The following DDX43 variants were observed in gnomAD, a reference collection of about 807,000 sequenced individuals.
DDX43 encodes probable ATP-dependent RNA helicase DDX43.
A neutral mutation model predicts 84.9 loss-of-function variants in DDX43; 50 were observed. The ratio of observed to expected loss-of-function variants is 0.59; its 90% CI spans 0.47 to 0.75. The LOEUF is 0.75. Among genes scored for constraint, DDX43 ranks in the 30% least tolerant of loss-of-function variants. DDX43 has a pLI of 0.00. For missense variants in DDX43, 689 were observed against 798.6 expected (o/e 0.86, Z 1.65); for synonymous variants, 291 against 266.3 (o/e 1.09, Z -0.90).
rs1331305658 is a variant in DDX43 at position 73,400,262 on chromosome 6, TC to T, written c.336del (p.Ile114PhefsTer14). ...ATACAAGAACAACCAGAATCATTAG[TC>T]AAAATTTTTGGCAGCAAGGCAATGC... The part of the protein sequence containing the change: ...QIIQEQPESL[V>X]KIFGSKAMQT... On this transcript the variant is annotated frameshift_variant, in exon 3 of 17. Coordinates refer to ENST00000370336, the MANE Select transcript of DDX43 (RefSeq NM_018665.3). LOFTEE classifies it high-confidence loss of function. 6.2e-7 allele frequency: 1 copy of T among 1,605,854 alleles called. No homozygotes were observed. Among genetic ancestry groups the T allele is most frequent in the Non-Finnish European group, 8.5e-7 (1 of 1,177,094 alleles).
chr6:73,406,767 A>G (rs1265738205), intron 7 of DDX43, among the ~76,000 whole-genome samples: 1 of 152,214 alleles, frequency 6.6e-6, no homozygotes, highest in Admixed American at 6.5e-5. Context: ...AATATTTGAC[A>G]TTTTAGATGT....
intron 9 of DDX43, 29 bp from the exon 10 acceptor site, chr6:73,409,219 T>C (rs1226297380): frequency 1.3e-6 from 2 of 1,565,448 alleles, no homozygotes; most frequent in South Asian, 2.2e-5. Context: ...CCATATCTAA[T>C]CTAACCACAT....
chr6:73,413,017 C>T (rs117055921), intron 11 of DDX43, among the ~76,000 whole-genome samples: 3,098 of 152,238 alleles, frequency 0.02, 47 homozygotes, highest in East Asian at 0.063. Flanking sequence ...CGTGAGCCAC[C>T]GCACCCAGCA....
Position 73,414,664 on chromosome 6 carries a change from A to G in DDX43, c.1723A>G (p.Ile575Val). ...PRNIEEYVHR[I>V]GRTGRAGRTG... Reference sequence around the variant, plus strand: ...GAATATTGAAGAATACGTACACCGAATAGGGCGCACGGGAAGAGCAGGGTA... The same window carrying G: ...GAATATTGAAGAATACGTACACCGAGTAGGGCGCACGGGAAGAGCAGGGTA... Residue 575 changes from isoleucine to valine, a missense_variant, in exon 14 of 17, where the codon ATA becomes GTA. By Grantham distance (29) the Ile-to-Val change is conservative (BLOSUM62 3). Coordinates refer to ENST00000370336, the MANE Select transcript of DDX43 (RefSeq NM_018665.3). 1 of 1,613,700 alleles carries G rather than the reference A, an allele frequency of 6.2e-7. No individual in the cohort carries two copies. The highest frequency in any genetic ancestry group is 1.1e-5 in the South Asian group (1 of 90,984).
rs1356404600 is a variant in DDX43 at position 73,395,012 on chromosome 6, A to C, written c.107A>C (p.Asn36Thr). The C allele has an allele frequency of 3.1e-6, 5 of 1,614,120 alleles. No homozygotes were observed. In the East Asian group the frequency reaches 6.7e-5, roughly 22 times the overall value. The change falls in exon 1 of 17, where the codon AAT becomes ACT. Residue 36 changes from asparagine (N) to threonine (T), a missense_variant. Asn to Thr is a moderately conservative substitution (Grantham distance 65). Around this residue, in one of 2 missense-constraint regions of DDX43, gnomAD observed 137 missense variants for 105.9 expected, o/e 1.29. Coordinates refer to ENST00000370336, the MANE Select transcript of DDX43 (RefSeq NM_018665.3). ...GAGAGGAGGCCGGCGGAGGAGTTGA[A>C]TCGAACAGGTCCTGAGGGATATAGT... is the stretch of plus-strand genomic sequence containing the variant. ...APERRPAEELNRTGPEGYSVG... is the reference protein window; with the variant it reads ...APERRPAEELTRTGPEGYSVG...
At chr6:73,412,668 T>TGTGTGTGTGTGTGCGCGCGC (rs538597626) in intron 11 of DDX43, among the ~76,000 whole-genome samples, 24 of 108,452 alleles carry the variant, frequency 2.2e-4, no homozygotes, top group African/African-American at 8.7e-4. Context: ...TGTGTGTGTG[T>TGTGTGTGTGTGTGCGCGCGC]GCGCGCGCGC....
At chr6:73,410,452 C>T (rs752067521) in intron 10 of DDX43, among the ~76,000 whole-genome samples, 6 of 151,652 alleles carry the variant, frequency 4.0e-5, no homozygotes, top group Admixed American at 6.6e-5. Context: ...GCTTGAGCCA[C>T]GATGCCCAGC....
chr6:73,405,663 T>G lies in DDX43; in HGVS notation c.651-16T>G. The G allele has an allele frequency of 6.2e-7, 1 of 1,611,560 alleles. No homozygotes were observed. The highest frequency in any genetic ancestry group is 8.5e-7 in the Non-Finnish European group (1 of 1,178,922). ...GTAAAGTGAGGAAAGCCACTGATGT[T>G]TTTTATTCTTTGAAGGAAAGAAAAT... On this transcript the variant is annotated splice_polypyrimidine_tract_variant and intron_variant, in intron 5 of 16. Coordinates refer to ENST00000370336, the MANE Select transcript of DDX43 (RefSeq NM_018665.3).
intron 11 of DDX43, among the ~76,000 whole-genome samples, chr6:73,412,658 TGTGTGTGTGTGCGC>T (rs1769814599): frequency 3.4e-5 from 3 of 87,912 alleles, no homozygotes; most frequent in Admixed American, 2.4e-4. Context: ...TGTGTGTGTG[TGTGTGTGTGTGCGC>T]GCGCGCGTGT....
chr6:73,406,716 T>C (rs962857540), intron 7 of DDX43, among the ~76,000 whole-genome samples: 3 of 152,232 alleles, frequency 2.0e-5, no homozygotes, highest in African/African-American at 7.2e-5. Context: ...CAGTGGAAAC[T>C]GTTTAAACTA....
chr6:73,414,726 A>C lies in DDX43; in HGVS notation c.1745+40A>C, dbSNP rs770862994. The C allele has an allele frequency of 4.4e-5, 68 of 1,554,148 alleles. 1 individual carries two copies. Among genetic ancestry groups the C allele is most frequent in the South Asian group, 1.5e-4 (12 of 82,512 alleles). ...TCCACCCATGAAAGGCCAATTCTAG[A>C]TTCTCCTTATTCCTCTCACAAACTT... On this transcript the variant is annotated intron_variant, in intron 14 of 16. Coordinates refer to ENST00000370336, the MANE Select transcript of DDX43 (RefSeq NM_018665.3).
chr6:73,412,759 C>G (rs1187468015), intron 11 of DDX43, among the ~76,000 whole-genome samples: 3 of 150,916 alleles, frequency 2.0e-5, no homozygotes, highest in Non-Finnish European at 4.4e-5. Context: ...GTGTCAGAGT[C>G]TCACTGTATT....
rs538431748 is a variant in DDX43 at position 73,416,249 on chromosome 6, G to C, written c.*23G>C. The C allele has an allele frequency of 1.2e-4, 153 of 1,278,980 alleles. No homozygotes were observed. Among genetic ancestry groups the C allele is most frequent in the Non-Finnish European group, 1.5e-4 (136 of 879,240 alleles). The allele number at this position is 1,278,980 out of a possible 1,614,324, so 79.2% of individuals were successfully genotyped here. ...TAATGTCTTCTGTACTAGTGGGGTA[G>C]AGGTAAAAGTTCAATAACATATGGA... On this transcript the variant is annotated splice_region_variant and 3_prime_UTR_variant, in exon 16 of 17. Transcript: ENST00000370336.
At chr6:73,413,359 T>G (rs1021993042) in intron 11 of DDX43, among the ~76,000 whole-genome samples, 2 of 152,156 alleles carry the variant, frequency 1.3e-5, no homozygotes, top group Admixed American at 6.6e-5. Context: ...ATTGCGCCAC[T>G]GCACTCCAGC....
Position 73,408,031 on chromosome 6 carries a change from T to C in DDX43, c.1109T>C (p.Ile370Thr), listed in dbSNP as rs1046678965. 4 of 1,613,282 alleles carry C rather than the reference T, an allele frequency of 2.5e-6. No homozygotes were observed. Among genetic ancestry groups the C allele is most frequent in the Non-Finnish European group, 1.7e-6 (2 of 1,179,680 alleles). Reference sequence around the variant, plus strand: ...CTTAAAAAAGGTGTAGATATCATAATTGCAACTCCCGGAAGATTGAATGAT... The same window carrying C: ...CTTAAAAAAGGTGTAGATATCATAACTGCAACTCCCGGAAGATTGAATGAT... ...EELKKGVDII[I>T]ATPGRLNDLQ... The change falls in exon 9 of 17, where the codon ATT becomes ACT. Residue 370 changes from isoleucine to threonine, a missense_variant. By Grantham distance (89) the Ile-to-Thr change is moderately conservative. Coordinates refer to ENST00000370336, the MANE Select transcript of DDX43 (RefSeq NM_018665.3).
In DDX43 at chr6:73,401,994, A is replaced by G. The variant is rs754212164; in HGVS notation, c.568+4A>G. 2.5e-6 allele frequency: 4 copies of G among 1,613,604 alleles called. No individual in the cohort carries two copies. Among genetic ancestry groups the G allele is most frequent in the African/African-American group, 1.3e-5 (1 of 75,030 alleles). Reference sequence around the variant, plus strand: ...TGGCAAAAAACAAAGTGGGCAGGTCAGTGCTGCTTCCTAATATTTACATAT... The same window carrying G: ...TGGCAAAAAACAAAGTGGGCAGGTCGGTGCTGCTTCCTAATATTTACATAT... On this transcript the variant is annotated splice_donor_region_variant and intron_variant, in intron 4 of 16. Coordinates refer to ENST00000370336, the MANE Select transcript of DDX43 (RefSeq NM_018665.3).
chr6:73,400,100 G>A (rs1769537114), intron 2 of DDX43, 134 bp from the exon 3 acceptor site: 2 of 619,948 alleles, frequency 3.2e-6, no homozygotes, highest in African/African-American at 3.8e-5. Context: ...TTGATTGGTG[G>A]TAATACTGTA....
At position 73,401,872 on chromosome 6, in the gene DDX43, A is replaced by G. The variant is rs767152060; in HGVS notation, c.450A>G (p.Gln150=). 1.7e-5 allele frequency: 28 copies of G among 1,613,588 alleles called. No individual in the cohort carries two copies. The highest frequency in any genetic ancestry group is 9.9e-5 in the South Asian group (9 of 91,020). The part of the protein sequence containing the change: ...NSECGIDTAF[Q]PSVGKDGSTD... ...TGTTTTTAACAGATACTGCATTCCAACCTTCTGTTGGAAAAGATGGAAGCA... is the reference window on the plus strand; with the variant it reads ...TGTTTTTAACAGATACTGCATTCCAGCCTTCTGTTGGAAAAGATGGAAGCA... The change falls in exon 4 of 17, where the codon CAA becomes CAG. Residue 150 remains glutamine, a synonymous_variant. Coordinates refer to ENST00000370336, the MANE Select transcript of DDX43 (RefSeq NM_018665.3).
intron 2 of DDX43, 120 bp downstream of exon 2, chr6:73,397,864 G>A (rs1338712055): frequency 1.4e-5 from 12 of 834,164 alleles, no homozygotes; most frequent in East Asian, 7.8e-5. Flanking sequence ...GTGCAGTGAC[G>A]TGATATCAGT....
Sources: allele counts gnomAD v4.1 joint callset (sites outside exome capture counted in the v4.1 genomes callset), GRCh38; gene constraint gnomAD v4.1.1; regional missense constraint gnomAD v4.1.1; transcripts MANE v1.5; gene names NCBI Gene and HGNC (gene_info 2026-07-23, HGNC 2026-07-21).